Variants in TNS3 observed in about 807,000 individuals in gnomAD.
TNS3 encodes tensin-3.
In TNS3, 45 loss-of-function variants were observed where a neutral mutation model predicts 140.9. The ratio of observed to expected loss-of-function variants is 0.32; its 90% CI spans 0.25 to 0.41. The LOEUF (loss-of-function observed/expected upper bound fraction) is 0.41, where lower values mean the gene tolerates loss of function less well. TNS3 is among the 10% of genes least tolerant of loss of function. TNS3 has a pLI of 1.00. For missense variants in TNS3, 1,716 were observed against 1,906.7 expected (o/e 0.90, Z 1.86); for synonymous variants, 815 against 788.4 (o/e 1.03, Z -0.56).
In TNS3 at chr7:47,424,164, C is replaced by G. The variant is rs1416259395; in HGVS notation, c.410G>C (p.Arg137Thr). ...ATCATAAAACTTCTTCATTGCAAAC[C>G]TGTCAAGGGCCTGGTCGGCGCTGAA... Reference protein sequence around the residue: ...VSASADQALDRFAMKKFYDDK... With the variant: ...VSASADQALDTFAMKKFYDDK... Residue 137 changes from arginine (R) to threonine (T), a missense_variant, in exon 10 of 31, where the codon AGG becomes ACG. Coordinates refer to ENST00000311160, the MANE Select transcript of TNS3 (RefSeq NM_022748.12). 6.2e-7 allele frequency: 1 copy of G among 1,614,156 alleles called. No homozygotes were observed. Among genetic ancestry groups the G allele is most frequent in the Non-Finnish European group, 8.5e-7 (1 of 1,180,034 alleles).
chr7:47,351,448 A>AGG (rs1267577766), intron 17 of TNS3, among the ~76,000 whole-genome samples: 2 of 152,012 alleles, frequency 1.3e-5, no homozygotes, highest in Non-Finnish European at 2.9e-5. Flanking sequence ...TATTCAACAG[A>AGG]GGGGATCTCG....
chr7:47,564,635 C>CAAAAAAA (rs749603752), intron 1 of TNS3, among the ~76,000 whole-genome samples: 436 of 30,010 alleles, frequency 0.015, 12 homozygotes, highest in East Asian at 0.027. Context: ...GACTCCGTCT[C>CAAAAAAA]AAAAAAAAAA....
At chr7:47,353,992 A>AACACAC (rs10598998) in intron 17 of TNS3, among the ~76,000 whole-genome samples, 5,749 of 143,408 alleles carry the variant, frequency 0.04, 114 homozygotes, top group Non-Finnish European at 0.05. Context: ...CAGAGGACAA[A>AACACAC]ACACACACAC....
rs117208585 is a variant in TNS3, at chr7:47,316,176, G to A, written c.2651-11173C>T. On this transcript the variant is annotated intron_variant, in intron 20 of 30. Transcript: ENST00000311160. ...CTTTCCTCCCTCCTAGTCACATCCC[G>A]GGATTATTATGCAGTTAAATAGGAA... Among the ~76,000 whole-genome samples the A allele has an allele frequency of 5.9e-4, 85 of 144,876 alleles. No individual in the cohort carries two copies. In the East Asian group the frequency reaches 0.017, roughly 30 times the overall value.
chr7:47,445,392 A>G (rs533799531), intron 4 of TNS3, among the ~76,000 whole-genome samples: 1 of 152,268 alleles, frequency 6.6e-6, no homozygotes, highest in South Asian at 2.1e-4. Flanking sequence ...GGAAATGAGG[A>G]TTTGGTGGGC....
At chr7:47,415,843 A>C (rs2151433076) in intron 10 of TNS3, among the ~76,000 whole-genome samples, 1 of 152,346 alleles carries the variant, frequency 6.6e-6, no homozygotes, top group Middle Eastern at 3.4e-3. Context: ...CATGCTTCCA[A>C]CACTGACTGC....
chr7:47,375,889 A>G (rs1791353780), intron 16 of TNS3, among the ~76,000 whole-genome samples: 1 of 152,242 alleles, frequency 6.6e-6, no homozygotes, highest in Non-Finnish European at 1.5e-5. Flanking sequence ...AAGCAAAGGA[A>G]GGACAAATCT....
At chr7:47,488,355 C>T (rs921447327) in intron 3 of TNS3, among the ~76,000 whole-genome samples, 1 of 152,160 alleles carries the variant, frequency 6.6e-6, no homozygotes, top group African/African-American at 2.4e-5. Flanking sequence ...GCTGTTGTAA[C>T]AACATACCAC....
chr7:47,432,460 T>C (rs111529331), intron 8 of TNS3, among the ~76,000 whole-genome samples: 2 of 152,310 alleles, frequency 1.3e-5, no homozygotes, highest in African/African-American at 4.8e-5. Context: ...AATATTAATA[T>C]AAGAAATAAA....
At chr7:47,346,783 G>A (rs757395497) in intron 17 of TNS3, among the ~76,000 whole-genome samples, 4 of 152,204 alleles carry the variant, frequency 2.6e-5, no homozygotes, top group African/African-American at 4.8e-5. Flanking sequence ...ACACACCTGC[G>A]GTGACCTTGG....
intron 6 of TNS3, among the ~76,000 whole-genome samples, chr7:47,438,181 C>A (rs1795284527): frequency 1.3e-5 from 2 of 152,118 alleles, no homozygotes; most frequent in Non-Finnish European, 2.9e-5. Context: ...CCCAGCAAGC[C>A]CTGTTTATGA....
chr7:47,564,779 T>G (rs1287919799), intron 1 of TNS3, among the ~76,000 whole-genome samples: 1 of 151,710 alleles, frequency 6.6e-6, no homozygotes, highest in Non-Finnish European at 1.5e-5. Context: ...CTGGACAACC[T>G]GACTGATTAA....
chr7:47,464,136 A>G (rs1796603668), intron 4 of TNS3, among the ~76,000 whole-genome samples: 1 of 152,134 alleles, frequency 6.6e-6, no homozygotes, highest in African/African-American at 2.4e-5. Context: ...CAGGGTGGCA[A>G]GTTCAGGCTG....
chr7:47,479,047 G>C (rs1584745669), intron 4 of TNS3, among the ~76,000 whole-genome samples: 1 of 152,156 alleles, frequency 6.6e-6, no homozygotes, highest in East Asian at 1.9e-4. Flanking sequence ...TAACAGGGAG[G>C]CCGTGTCCTG....
intron 1 of TNS3, among the ~76,000 whole-genome samples, chr7:47,545,682 C>T (rs1353809233): frequency 2.0e-5 from 3 of 152,278 alleles, no homozygotes; most frequent in African/African-American, 7.2e-5. Context: ...CTAATCGACC[C>T]CCGTCCTTTC....
At chr7:47,314,032 C>T (rs1787254188) in intron 20 of TNS3, among the ~76,000 whole-genome samples, 1 of 152,204 alleles carries the variant, frequency 6.6e-6, no homozygotes, top group Non-Finnish European at 1.5e-5. Context: ...CTTGGGCTTC[C>T]TGGGCCATTT....
At chr7:47,297,755 G>A (rs1416061403) in intron 23 of TNS3, among the ~76,000 whole-genome samples, 1 of 150,876 alleles carries the variant, frequency 6.6e-6, no homozygotes, top group Non-Finnish European at 1.5e-5. Flanking sequence ...ATGAGAACAT[G>A]AACTCTTTCA....
intron 16 of TNS3, among the ~76,000 whole-genome samples, chr7:47,387,216 C>T (rs1399725009): frequency 6.6e-6 from 1 of 152,090 alleles, no homozygotes; most frequent in Non-Finnish European, 1.5e-5. Flanking sequence ...ATGCAGAAAC[C>T]CAATATAAAA....
intron 4 of TNS3, among the ~76,000 whole-genome samples, chr7:47,475,570 C>G (rs1394003906): frequency 2.0e-5 from 3 of 152,314 alleles, no homozygotes; most frequent in Non-Finnish European, 4.4e-5. Flanking sequence ...CTCAGGCTGG[C>G]TGTGGGCTGC....
Sources: gnomAD v4.1 joint callset for allele counts (sites outside exome capture counted in the v4.1 genomes callset) on GRCh38, gnomAD v4.1.1 for gene constraint, MANE v1.5 for transcripts, NCBI Gene and HGNC (gene_info 2026-07-23, HGNC 2026-07-21) for gene names.